Variants in WNK2 observed in about 807,000 individuals in gnomAD.
WNK2 encodes WNK lysine deficient protein kinase 2.
In WNK2, 67 loss-of-function variants were observed where a neutral mutation model predicts 192.1. That is an observed-to-expected ratio of 0.35 (90% CI 0.29 to 0.43). The LOEUF is 0.43. Ranked by LOEUF, WNK2 falls within the 20% of genes least tolerant of loss-of-function variation. The pLI, the probability that WNK2 is intolerant of heterozygous loss-of-function variation, is 1.00. For synonymous variants in WNK2, 1,439 were observed against 1,393.9 expected, an observed-to-expected ratio of 1.03 and a Z score of -0.72; for missense variants, 2,698 against 3,089.7, an observed-to-expected ratio of 0.87 and a Z score of 3.01.
At chr9:93,307,919 G>A (rs1437876514) in intron 27 of WNK2, 4 of 215,328 alleles carry the variant, frequency 1.9e-5, no homozygotes, top group Non-Finnish European at 3.7e-5. Flanking sequence ...AGGATGCACA[G>A]GCCAGAGAGA....
chr9:93,207,589 CA>C (rs1208338739), intron 2 of WNK2, among the ~76,000 whole-genome samples: 1 of 152,228 alleles, frequency 6.6e-6, no homozygotes, highest in Non-Finnish European at 1.5e-5. Flanking sequence ...GTATTTGGTG[CA>C]AACCCCAGAG....
At chr9:93,250,970 G>A (rs1398917425) in intron 8 of WNK2, among the ~76,000 whole-genome samples, 4 of 82,884 alleles carry the variant, frequency 4.8e-5, no homozygotes, top group Non-Finnish European at 9.2e-5. Context: ...ATTTTTAGTA[G>A]AGACGGGGTT....
chr9:93,184,455 C>CCCCGCGCGCCCCT (rs1268181252), intron 1 of WNK2, among the ~76,000 whole-genome samples, 70 bp downstream of exon 1: 1 of 151,604 alleles, frequency 6.6e-6, no homozygotes, highest in Non-Finnish European at 1.5e-5. Context: ...GCAGCCCCCT[C>CCCCGCGCGCCCCT]CCCGCGCGCC....
intron 2 of WNK2, among the ~76,000 whole-genome samples, chr9:93,207,808 G>A (rs1459082460): frequency 6.6e-6 from 1 of 152,246 alleles, no homozygotes; most frequent in Admixed American, 6.5e-5. Flanking sequence ...GCGAAGTTCA[G>A]TAGATTGCAA....
At chr9:93,251,062 C>G (rs1842528964) in intron 8 of WNK2, among the ~76,000 whole-genome samples, 1 of 152,034 alleles carries the variant, frequency 6.6e-6, no homozygotes, top group Non-Finnish European at 1.5e-5. Context: ...GCTGGGATTA[C>G]AGGCATGAGC....
chr9:93,292,161 C>T, intron 21 of WNK2, 147 bp from the exon 22 acceptor site: 1 of 741,736 alleles, frequency 1.3e-6, no homozygotes, highest in African/African-American at 1.7e-5. Flanking sequence ...GCACACACAG[C>T]TGGCTCCTCC....
intron 28 of WNK2, among the ~76,000 whole-genome samples, chr9:93,312,317 T>C (rs1406131962): frequency 6.6e-6 from 1 of 152,226 alleles, no homozygotes; most frequent in African/African-American, 2.4e-5. Flanking sequence ...TTAAGTTTCC[T>C]ACTAAGAGTT....
chr9:93,318,679 G>GGAA, intron 29 of WNK2: 1 of 1,492,060 alleles, frequency 6.7e-7, no homozygotes, highest in Non-Finnish European at 8.9e-7. Context: ...CCTTCTCCAT[G>GGAA]ATTTCCATGG....
chr9:93,299,397 G>GA, intron 25 of WNK2, 136 bp downstream of exon 25: 1 of 898,754 alleles, frequency 1.1e-6, no homozygotes, highest in South Asian at 2.3e-5. Flanking sequence ...TTTTAAAAAG[G>GA]ATAAAAAAAA....
At chr9:93,185,656 G>A (rs1377638346) in intron 2 of WNK2, 46 bp downstream of exon 2, 4 of 1,571,284 alleles carry the variant, frequency 2.5e-6, no homozygotes, top group Admixed American at 3.7e-5. Context: ...GGGTCTGTCC[G>A]CGAGTGCGTC....
chr9:93,247,486 G>T lies in WNK2; in HGVS notation c.1543-57G>T. On this transcript the variant is annotated intron_variant, in intron 7 of 29. Transcript: ENST00000427277. The surrounding 1 kb of genome is among the most constrained non-coding windows in gnomAD (Gnocchi z 5.2). ...GATGGGAAAGCACTTTAGGTAAGGG[G>T]TGTGGGCCGGTGAGGGCTGATCCCC... 6.4e-7 allele frequency: 1 copy of T among 1,560,528 alleles called. No homozygotes were observed. Among genetic ancestry groups the T allele is most frequent in the Admixed American group, 1.8e-5 (1 of 54,142 alleles).
intron 2 of WNK2, among the ~76,000 whole-genome samples, chr9:93,221,600 C>T (rs915548392): frequency 6.6e-6 from 1 of 152,236 alleles, no homozygotes; most frequent in African/African-American, 2.4e-5. Flanking sequence ...GCACTTTCAA[C>T]AAAATTAGTT....
chr9:93,269,649 A>G (rs1332919768), intron 19 of WNK2, among the ~76,000 whole-genome samples: 1 of 152,214 alleles, frequency 6.6e-6, no homozygotes, highest in African/African-American at 2.4e-5. Flanking sequence ...CTGGATTTTA[A>G]TACATACACA....
At chr9:93,201,823 G>C (rs952304590) in intron 2 of WNK2, among the ~76,000 whole-genome samples, 1 of 152,240 alleles carries the variant, frequency 6.6e-6, no homozygotes, top group African/African-American at 2.4e-5. Context: ...TCTGTTCCCC[G>C]AGGGGAGCGA....
At chr9:93,212,120 A>C (rs1436440992) in intron 2 of WNK2, among the ~76,000 whole-genome samples, 2 of 152,226 alleles carry the variant, frequency 1.3e-5, no homozygotes, top group African/African-American at 4.8e-5. Context: ...CTCATTCATT[A>C]GTTGTTTATT....
At chr9:93,188,713 T>C (rs1488069618) in intron 2 of WNK2, among the ~76,000 whole-genome samples, 3 of 152,178 alleles carry the variant, frequency 2.0e-5, no homozygotes, top group Non-Finnish European at 2.9e-5. Flanking sequence ...CGGGGTAGCC[T>C]GGGGCTCCGT....
intron 2 of WNK2, among the ~76,000 whole-genome samples, chr9:93,189,912 C>T (rs1378839041): frequency 1.3e-5 from 2 of 152,118 alleles, no homozygotes; most frequent in African/African-American, 4.8e-5. Context: ...GAAGAGGAGA[C>T]GAGGGGACGA....
chr9:93,196,927 C>T (rs921655775), intron 2 of WNK2, among the ~76,000 whole-genome samples: 4 of 152,156 alleles, frequency 2.6e-5, no homozygotes, highest in Admixed American at 1.3e-4. Context: ...CACACATGCC[C>T]GCTGCATCTG....
At position 93,319,059 on chromosome 9, in the gene WNK2, C is replaced by A. The variant is rs982027574; in HGVS notation, c.6629-1308C>A. The A allele has an allele frequency of 5.0e-6, 8 of 1,596,028 alleles. No individual in the cohort carries two copies. In the African/African-American group the frequency reaches 1.1e-4, roughly 22 times the overall value. Reference sequence around the variant, plus strand: ...GAGATTTCTGTTCTCTGTACTGGGCCCCCTTGCCCTGTTCCTTGAGTGAAG... The same window carrying A: ...GAGATTTCTGTTCTCTGTACTGGGCACCCTTGCCCTGTTCCTTGAGTGAAG... On this transcript the variant is annotated intron_variant, in intron 29 of 29. Transcript: ENST00000427277.
Sources: gnomAD v4.1 joint callset for allele counts (sites outside exome capture counted in the v4.1 genomes callset) on GRCh38, gnomAD v4.1.1 for gene constraint, Gnocchi (gnomAD v3.1) non-coding constraint, MANE v1.5 for transcripts, NCBI Gene and HGNC (gene_info 2026-07-23, HGNC 2026-07-21) for gene names.